SV2B: variants seen among roughly 807,000 people sequenced by gnomAD.
SV2B encodes the protein solute carrier family 22 member B2.
SV2B carries 41 observed loss-of-function variants against 73.9 expected under a neutral mutation model. The observed-to-expected ratio is 0.56, with a 90% CI of 0.43 to 0.72. SV2B has a LOEUF of 0.72. Ranked by LOEUF, SV2B falls within the 30% of genes least tolerant of loss-of-function variation. The pLI is 0.00. For synonymous variants in SV2B, 314 were observed against 314.2 expected, an observed-to-expected ratio of 1.00 and a Z score of 0.01; for missense variants, 764 against 857.8, an observed-to-expected ratio of 0.89 and a Z score of 1.37.
rs1166656012 is a variant in SV2B, at chr15:91,106,465, A to G, written c.-392+6102A>G. On this transcript the variant is annotated intron_variant, in intron 1 of 12. Coordinates refer to ENST00000394232, the MANE Select transcript of SV2B (RefSeq NM_001323032.3). The surrounding 1 kb of genome is among the most constrained non-coding windows in gnomAD (Gnocchi z 4.4). The stretch of plus-strand genomic sequence containing the variant: ...CACTTACTTACTAGAGTTGACTGCA[A>G]ATCTTTGCTTTGGTGGATTTTGAAG... Among the ~76,000 whole-genome samples the G allele has an allele frequency of 6.6e-6, 1 of 152,212 alleles. No individual in the cohort carries two copies. The highest frequency in any genetic ancestry group is 2.4e-5 in the African/African-American group (1 of 41,452).
Position 91,258,421 on chromosome 15 carries a change from G to C in SV2B, c.785G>C (p.Gly262Ala), listed in dbSNP as rs1475891461. The C allele has an allele frequency of 6.2e-7, 1 of 1,613,990 alleles. No homozygotes were observed. The highest frequency in any genetic ancestry group is 8.5e-7 in the Non-Finnish European group (1 of 1,179,922). The change falls in exon 5 of 13, where the codon GGC becomes GCC. Residue 262 changes from glycine to alanine, a missense_variant and splice_region_variant. Coordinates refer to ENST00000394232, the MANE Select transcript of SV2B (RefSeq NM_001323032.3). This position sits in a 1 kb window ranked among gnomAD's most constrained non-coding sequence, Gnocchi z 4.7. Reference protein sequence around the residue: ...AMAWSIIPHYGWGFSMGTNYH... With the variant: ...AMAWSIIPHYAWGFSMGTNYH... The stretch of plus-strand genomic sequence containing the variant: ...CCTTTGACTGACTGCTCCTTTGCAG[G>C]CTGGGGCTTCAGCATGGGGACCAAT...
At chr15:91,142,025 T>C (rs1013513230) in intron 1 of SV2B, among the ~76,000 whole-genome samples, 8 of 152,104 alleles carry the variant, frequency 5.3e-5, no homozygotes, top group African/African-American at 1.7e-4. Flanking sequence ...TCAGCCTAGA[T>C]GTTAGCTGGA....
chr15:91,227,881 T>G lies in SV2B; in HGVS notation c.451+1167T>G, dbSNP rs1375647254. On this transcript the variant is annotated intron_variant, in intron 2 of 12. Transcript: ENST00000394232. The surrounding 1 kb of genome is among the most constrained non-coding windows in gnomAD (Gnocchi z 4.5). ...GCAAACAGTTCTGTAAAGACCCAGATAGTAAATATTGTAGACCTTGCAGAC... is the reference window on the plus strand; with the variant it reads ...GCAAACAGTTCTGTAAAGACCCAGAGAGTAAATATTGTAGACCTTGCAGAC... 2.0e-5 allele frequency among the ~76,000 whole-genome samples: 3 copies of G among 152,226 alleles called. No homozygotes were observed. The highest frequency in any genetic ancestry group is 2.0e-4 in the Admixed American group (3 of 15,290).
intron 1 of SV2B, among the ~76,000 whole-genome samples, chr15:91,190,340 T>TTC (rs2044961509): frequency 6.6e-6 from 1 of 152,046 alleles, no homozygotes; most frequent in Admixed American, 6.5e-5. Flanking sequence ...TTTTCTTTTT[T>TTC]TTTCCTTTAT....
At chr15:91,202,324 G>A (rs901594335) in intron 1 of SV2B, among the ~76,000 whole-genome samples, 1 of 152,192 alleles carries the variant, frequency 6.6e-6, no homozygotes, top group East Asian at 1.9e-4. Context: ...GCTAAGAATA[G>A]TGCTTAGCAC....
chr15:91,283,956 C>G lies in SV2B; in HGVS notation c.1508-65C>G. On this transcript the variant is annotated intron_variant, in intron 10 of 12. Transcript: ENST00000394232. The surrounding 1 kb of genome is among the most constrained non-coding windows in gnomAD (Gnocchi z 4.3). Reference sequence around the variant, plus strand: ...CAGGAGGGGGCAGACTTCATCCCTGCCTCTGCCTTTCTCTCTCCAGCTCCC... The same window carrying G: ...CAGGAGGGGGCAGACTTCATCCCTGGCTCTGCCTTTCTCTCTCCAGCTCCC... 6.5e-7 allele frequency: 1 copy of G among 1,542,198 alleles called. No homozygotes were observed. The highest frequency in any genetic ancestry group is 8.9e-7 in the Non-Finnish European group (1 of 1,118,282).
rs1294488707 is a variant in SV2B, at chr15:91,263,405, AACACAAAC to A, written c.1008+3000_1008+3007del. Reference sequence around the variant, plus strand: ...AGATGCAGAGACACACAGACACAGGAACACAAACACAGAAACACACAGACACACATTAA... The same window carrying A: ...AGATGCAGAGACACACAGACACAGGAACAGAAACACACAGACACACATTAA... On this transcript the variant is annotated intron_variant, in intron 6 of 12. Coordinates refer to ENST00000394232, the MANE Select transcript of SV2B (RefSeq NM_001323032.3). Among the ~76,000 whole-genome samples, 4 of 150,196 alleles carry A rather than the reference AACACAAAC, an allele frequency of 2.7e-5. 1 individual carries two copies. In the South Asian group the frequency reaches 8.5e-4, roughly 32 times the overall value.
Position 91,292,532 on chromosome 15 carries a change from C to A in SV2B, c.2032C>A (p.Arg678=). The change falls in exon 13 of 13, where the codon CGA becomes AGA. Residue 678 remains arginine, a synonymous_variant. Transcript: ENST00000394232. The stretch of plus-strand genomic sequence containing the variant: ...GATTGCCCTTCGACTGCCAGAGACT[C>A]GAGAACAGGTCCTGATGTGAACAAC... ...GLIALRLPET[R]EQVLM 1.2e-6 allele frequency: 2 copies of A among 1,613,632 alleles called. No homozygotes were observed. The highest frequency in any genetic ancestry group is 1.1e-5 in the South Asian group (1 of 91,006).
chr15:91,143,329 C>T (rs1333688665), intron 1 of SV2B, among the ~76,000 whole-genome samples: 1 of 152,120 alleles, frequency 6.6e-6, no homozygotes, highest in African/African-American at 2.4e-5. Context: ...AATATGTTCC[C>T]CAGTTGATTG....
chr15:91,174,287 A>G (rs755143428), intron 1 of SV2B, among the ~76,000 whole-genome samples: 2 of 152,198 alleles, frequency 1.3e-5, no homozygotes, highest in Non-Finnish European at 2.9e-5. Flanking sequence ...CTCTTTGTGG[A>G]TTTAGACAAA....
In SV2B at chr15:91,123,737, A is replaced by G. The variant is rs904359666; in HGVS notation, c.-392+23374A>G. On this transcript the variant is annotated intron_variant, in intron 1 of 12. Coordinates refer to ENST00000394232, the MANE Select transcript of SV2B (RefSeq NM_001323032.3). This position sits in a 1 kb window ranked among gnomAD's most constrained non-coding sequence, Gnocchi z 4.7. ...ATGCAGGTCTTCGGACTCCTCATGCACTACTCCTTTCTCTATTCTGGGCGT... is the reference window on the plus strand; with the variant it reads ...ATGCAGGTCTTCGGACTCCTCATGCGCTACTCCTTTCTCTATTCTGGGCGT... Among the ~76,000 whole-genome samples the G allele has an allele frequency of 2.0e-5, 3 of 152,134 alleles. No individual in the cohort carries two copies. The highest frequency in any genetic ancestry group is 4.4e-5 in the Non-Finnish European group (3 of 68,012).
chr15:91,234,771 T>C lies in SV2B; in HGVS notation c.451+8057T>C, dbSNP rs2046714705. On this transcript the variant is annotated intron_variant, in intron 2 of 12. Coordinates refer to ENST00000394232, the MANE Select transcript of SV2B (RefSeq NM_001323032.3). The surrounding 1 kb of genome is among the most constrained non-coding windows in gnomAD (Gnocchi z 5.6). ...GGACCCCAGTACACTGCCAAAAATTTATACCATTAATCTTTCTCTCAGTGT... is the reference window on the plus strand; with the variant it reads ...GGACCCCAGTACACTGCCAAAAATTCATACCATTAATCTTTCTCTCAGTGT... Among the ~76,000 whole-genome samples, 2 of 152,188 alleles carry C rather than the reference T, an allele frequency of 1.3e-5. No individual in the cohort carries two copies. The highest frequency in any genetic ancestry group is 2.9e-5 in the Non-Finnish European group (2 of 68,032).
chr15:91,197,214 GTTTTTTGTTTTGTTT>G lies in SV2B; in HGVS notation c.-391-28657_-391-28643del, dbSNP rs150066006. Among the ~76,000 whole-genome samples, 4,817 of 147,794 alleles carry G rather than the reference GTTTTTTGTTTTGTTT, an allele frequency of 0.033. 238 individuals carry two copies. The highest frequency in any genetic ancestry group is 0.12 in the African/African-American group (4,439 of 37,608). On this transcript the variant is annotated intron_variant, in intron 1 of 12. Coordinates refer to ENST00000394232, the MANE Select transcript of SV2B (RefSeq NM_001323032.3). This position sits in a 1 kb window ranked among gnomAD's most constrained non-coding sequence, Gnocchi z 4.9. ...ATTGTTTTGTTTTTGTGTTTTTTTT[GTTTTTTGTTTTGTTT>G]TGTTTTGTTTTGTTTTGAGACAGAG... is the stretch of plus-strand genomic sequence containing the variant.
chr15:91,234,659 A>G lies in SV2B; in HGVS notation c.451+7945A>G, dbSNP rs2046711029. On this transcript the variant is annotated intron_variant, in intron 2 of 12. Coordinates refer to ENST00000394232, the MANE Select transcript of SV2B (RefSeq NM_001323032.3). This position sits in a 1 kb window ranked among gnomAD's most constrained non-coding sequence, Gnocchi z 5.6. ...TCATGAAATATAGAAACAGAGCATC[A>G]TGGCTTCTTGGTCAATTCCCAGACT... is the stretch of plus-strand genomic sequence containing the variant. 6.6e-6 allele frequency among the ~76,000 whole-genome samples: 1 copy of G among 152,216 alleles called. No homozygotes were observed. Among genetic ancestry groups the G allele is most frequent in the Non-Finnish European group, 1.5e-5 (1 of 68,030 alleles).
chr15:91,120,050 G>T (rs1241501866), intron 1 of SV2B, among the ~76,000 whole-genome samples: 1 of 152,174 alleles, frequency 6.6e-6, no homozygotes, highest in Non-Finnish European at 1.5e-5. Flanking sequence ...AAATCGATTT[G>T]CCTTTGATTT....
At chr15:91,158,737 T>TC (rs1373011136) in intron 1 of SV2B, among the ~76,000 whole-genome samples, 4 of 109,206 alleles carry the variant, frequency 3.7e-5, no homozygotes, top group Admixed American at 9.3e-5. Flanking sequence ...TCTTCTCCTC[T>TC]TTTTTCTCTC....
rs530841357 is a variant in SV2B, at chr15:91,294,441, C to A, written c.*1889C>A. On this transcript the variant is annotated 3_prime_UTR_variant, in exon 13 of 13. Transcript: ENST00000394232. This position sits in a 1 kb window ranked among gnomAD's most constrained non-coding sequence, Gnocchi z 4.1. Reference sequence around the variant, plus strand: ...GACATATTGACTCTGACTGGACACCCTGATTCCTCCAAATATATATACCAC... The same window carrying A: ...GACATATTGACTCTGACTGGACACCATGATTCCTCCAAATATATATACCAC... The A allele has an allele frequency of 1.3e-5, 2 of 152,148 alleles. No homozygotes were observed. The highest frequency in any genetic ancestry group is 2.9e-5 in the Non-Finnish European group (2 of 68,030). The allele number at this position is 152,148 out of a possible 1,614,324, so 9.4% of individuals were successfully genotyped here.
rs1447974934 is a variant in SV2B, at chr15:91,292,697, C to T, written c.*145C>T. 1 of 974,438 alleles carries T rather than the reference C, an allele frequency of 1.0e-6. No individual in the cohort carries two copies. The highest frequency in any genetic ancestry group is 2.7e-5 in the East Asian group (1 of 36,926). The allele number at this position is 974,438 out of a possible 1,614,324, so 60.4% of individuals were successfully genotyped here. Reference sequence around the variant, plus strand: ...TTTGTGACCCCTAGTTTAGGACCCACTTCAGCTGTCAATATGTTTGTAACT... The same window carrying T: ...TTTGTGACCCCTAGTTTAGGACCCATTTCAGCTGTCAATATGTTTGTAACT... On this transcript the variant is annotated 3_prime_UTR_variant, in exon 13 of 13. Transcript: ENST00000394232.
chr15:91,162,239 T>A (rs947697945), intron 1 of SV2B, among the ~76,000 whole-genome samples: 1 of 152,190 alleles, frequency 6.6e-6, no homozygotes, highest in Non-Finnish European at 1.5e-5. Flanking sequence ...ATCCCTCTTC[T>A]AGTAATCTTT....
Sources: allele counts gnomAD v4.1 joint callset (sites outside exome capture counted in the v4.1 genomes callset), GRCh38; gene constraint gnomAD v4.1.1; non-coding constraint Gnocchi (gnomAD v3.1); transcripts MANE v1.5; gene names NCBI Gene and HGNC (gene_info 2026-07-23, HGNC 2026-07-21).